The following CNTN5 variants were observed in gnomAD, a reference collection of about 807,000 sequenced individuals.
The protein encoded by CNTN5 is contactin-5.
CNTN5 carries 77 observed loss-of-function variants against 129.1 expected under a neutral mutation model. The observed-to-expected ratio is 0.60, with a 90% CI of 0.50 to 0.72. CNTN5 has a LOEUF of 0.72. Ranked by LOEUF, CNTN5 falls within the 30% of genes least tolerant of loss-of-function variation. CNTN5 has a pLI of 0.00. For missense variants in CNTN5, 1,478 were observed against 1,328.8 expected, an observed-to-expected ratio of 1.11 and a Z score of -1.75; for synonymous variants, 509 against 465.6, an observed-to-expected ratio of 1.09 and a Z score of -1.20.
At chr11:99,833,426 T>G (rs1947207846) in intron 4 of CNTN5, among the ~76,000 whole-genome samples, 5 of 152,160 alleles carry the variant, frequency 3.3e-5, no homozygotes, top group Admixed American at 3.3e-4. Context: ...ACAACCAATC[T>G]GTTTCTTACT....
chr11:99,484,813 C>T (rs1401245638), intron 2 of CNTN5, among the ~76,000 whole-genome samples: 1 of 152,088 alleles, frequency 6.6e-6, no homozygotes, highest in Non-Finnish European at 1.5e-5. Context: ...TTCTCATTCA[C>T]ATTCATATGT....
At chr11:99,898,760 AT>A (rs1231381122) in intron 6 of CNTN5, among the ~76,000 whole-genome samples, 3 of 151,310 alleles carry the variant, frequency 2.0e-5, no homozygotes, top group African/African-American at 7.3e-5. Flanking sequence ...TTTTATCTTT[AT>A]TCTAATGATT....
At chr11:99,647,209 A>T (rs2458169) in intron 3 of CNTN5, among the ~76,000 whole-genome samples, 91,420 of 151,982 alleles carry the variant, frequency 0.6, 28,344 homozygotes, top group Admixed American at 0.69. Flanking sequence ...CAGTCTATTT[A>T]GTGCTTCAAT....
At chr11:100,202,766 T>C (rs1433913029) in intron 15 of CNTN5, among the ~76,000 whole-genome samples, 3 of 151,922 alleles carry the variant, frequency 2.0e-5, no homozygotes, top group African/African-American at 2.4e-5. Context: ...AGCCAAGTTA[T>C]ATATAAATGA....
At chr11:99,671,002 A>G (rs867404304) in intron 3 of CNTN5, among the ~76,000 whole-genome samples, 6 of 152,228 alleles carry the variant, frequency 3.9e-5, no homozygotes, top group Middle Eastern at 3.4e-3. Context: ...GCTAGTTCTA[A>G]CTTTTTAAAT....
chr11:99,300,918 T>C (rs1591490911), intron 1 of CNTN5, among the ~76,000 whole-genome samples: 1 of 151,954 alleles, frequency 6.6e-6, no homozygotes, highest in East Asian at 1.9e-4. Context: ...TGTAACATTA[T>C]TGTGTAGAAG....
Position 100,358,315 on chromosome 11 carries a change from C to T in CNTN5, c.*2095C>T, listed in dbSNP as rs945003263. 6.6e-6 allele frequency: 1 copy of T among 151,646 alleles called. No homozygotes were observed. The highest frequency in any genetic ancestry group is 2.1e-4 in the South Asian group (1 of 4,822). 9.4% of individuals were successfully genotyped at this position (151,646 alleles called of 1,614,324 possible). ...AATAAAATGGCAAATTTAAATTAAC[C>T]AATATTTTTAATTAGCTGATGGATG... On this transcript the variant is annotated 3_prime_UTR_variant, in exon 25 of 25. Coordinates refer to ENST00000524871, the MANE Select transcript of CNTN5 (RefSeq NM_014361.4).
intron 8 of CNTN5, among the ~76,000 whole-genome samples, chr11:99,997,605 A>T (rs1488604200): frequency 6.6e-6 from 1 of 152,164 alleles, no homozygotes; most frequent in Non-Finnish European, 1.5e-5. Context: ...ATTTCTTCTG[A>T]AATTATTCCA....
chr11:100,295,600 C>A (rs531899826), intron 18 of CNTN5, among the ~76,000 whole-genome samples: 1 of 151,476 alleles, frequency 6.6e-6, no homozygotes, highest in Non-Finnish European at 1.5e-5. Context: ...CTATTAATAT[C>A]TTTTAAATAG....
chr11:99,174,834 A>G (rs916780444), intron 1 of CNTN5, among the ~76,000 whole-genome samples: 3 of 152,066 alleles, frequency 2.0e-5, no homozygotes, highest in Admixed American at 6.6e-5. Context: ...AGAATTTTCC[A>G]ACTATTATAC....
At chr11:99,514,508 G>T (rs933584757) in intron 2 of CNTN5, among the ~76,000 whole-genome samples, 2 of 151,888 alleles carry the variant, frequency 1.3e-5, no homozygotes, top group Non-Finnish European at 2.9e-5. Context: ...TTTGCTTATT[G>T]TAAGTTAAAA....
At chr11:99,126,151 T>C (rs1170773843) in intron 1 of CNTN5, among the ~76,000 whole-genome samples, 1 of 152,224 alleles carries the variant, frequency 6.6e-6, no homozygotes, top group Non-Finnish European at 1.5e-5. Flanking sequence ...TATTAGGCAA[T>C]TTTATTAACA....
intron 9 of CNTN5, among the ~76,000 whole-genome samples, chr11:100,015,640 C>T (rs17094139): frequency 0.014 from 2,092 of 151,916 alleles, 44 homozygotes; most frequent in African/African-American, 0.047. Flanking sequence ...GGTGGTGGTA[C>T]GGAAAAACTA....
chr11:99,070,844 T>C (rs1026722701), intron 1 of CNTN5, among the ~76,000 whole-genome samples: 1 of 152,126 alleles, frequency 6.6e-6, no homozygotes, highest in African/African-American at 2.4e-5. Flanking sequence ...GTTGCTCTAA[T>C]AGAGCACTGT....
chr11:99,929,638 A>T (rs956524312), intron 7 of CNTN5, among the ~76,000 whole-genome samples: 3 of 152,184 alleles, frequency 2.0e-5, no homozygotes, highest in Admixed American at 2.0e-4. Flanking sequence ...AGCCCCTTAT[A>T]AAACCATCAG....
intron 13 of CNTN5, among the ~76,000 whole-genome samples, chr11:100,116,588 GT>G (rs1165545160): frequency 1.3e-5 from 2 of 151,348 alleles, no homozygotes; most frequent in Non-Finnish European, 3.0e-5. Flanking sequence ...TTCCTTACCT[GT>G]TTTTTTCTAG....
chr11:99,053,742 G>A (rs887469759), intron 1 of CNTN5, among the ~76,000 whole-genome samples: 2 of 151,848 alleles, frequency 1.3e-5, no homozygotes, highest in Non-Finnish European at 2.9e-5. Context: ...ATATAATGAG[G>A]GCAGAAGCCT....
At chr11:99,414,927 G>C (rs1002292506) in intron 2 of CNTN5, among the ~76,000 whole-genome samples, 6 of 152,114 alleles carry the variant, frequency 3.9e-5, no homozygotes, top group African/African-American at 1.4e-4. Context: ...GTGCTTTTTA[G>C]TTGCCTTTGG....
intron 15 of CNTN5, 86 bp downstream of exon 15, chr11:100,193,749 C>T: frequency 9.2e-7 from 1 of 1,082,982 alleles, no homozygotes. Context: ...CTATGAAGTG[C>T]TAAGAAAAAA....
Sources: allele counts gnomAD v4.1 joint callset (sites outside exome capture counted in the v4.1 genomes callset), GRCh38; gene constraint gnomAD v4.1.1; transcripts MANE v1.5; gene names NCBI Gene and HGNC (gene_info 2026-07-23, HGNC 2026-07-21).